Variants in GRK4 observed in about 807,000 individuals in gnomAD.
GRK4 encodes the protein G protein-coupled receptor kinase 2-like.
Under a neutral mutation model 77.9 loss-of-function variants are expected in GRK4, and 73 were observed. The ratio of observed to expected loss-of-function variants is 0.94; its 90% confidence interval spans 0.78 to 1.14. GRK4 has a LOEUF of 1.14. Among genes scored for constraint, GRK4 ranks in the 50% most tolerant of loss-of-function variants. The pLI is 0.00. For missense variants in GRK4, 729 were observed against 700.2 expected (o/e 1.04, Z -0.46); for synonymous variants, 257 against 254.4 (o/e 1.01, Z -0.10).
At chr4:2,993,895 T>C (rs1274186300) in intron 4 of GRK4, among the ~76,000 whole-genome samples, 1 of 152,168 alleles carries the variant, frequency 6.6e-6, no homozygotes, top group Non-Finnish European at 1.5e-5. Flanking sequence ...AATAGTGTGG[T>C]GAGAATGAGT....
intron 12 of GRK4, among the ~76,000 whole-genome samples, chr4:3,032,550 A>T: frequency 6.6e-6 from 1 of 152,202 alleles, no homozygotes; most frequent in East Asian, 1.9e-4. Context: ...AGGGGCTTTC[A>T]AGATGAAATC....
intron 1 of GRK4, among the ~76,000 whole-genome samples, chr4:2,977,356 G>A (rs1443901259): frequency 6.6e-6 from 1 of 152,156 alleles, no homozygotes; most frequent in East Asian, 1.9e-4. Flanking sequence ...AGACAACACT[G>A]AACTAAATGT....
At chr4:3,005,543 C>T (rs536596507) in intron 5 of GRK4, among the ~76,000 whole-genome samples, 3 of 152,180 alleles carry the variant, frequency 2.0e-5, no homozygotes, top group Admixed American at 6.6e-5. Flanking sequence ...TGGCTCACGC[C>T]GGTAATCCCA....
chr4:3,013,881 T>G, intron 8 of GRK4, 53 bp downstream of exon 8: 2 of 1,530,050 alleles, frequency 1.3e-6, no homozygotes, highest in Admixed American at 2.1e-5. Flanking sequence ...ATAGCACTTT[T>G]GTCAGCCGAC....
chr4:3,004,696 T>C (rs1051921407), intron 5 of GRK4, among the ~76,000 whole-genome samples: 2 of 152,092 alleles, frequency 1.3e-5, no homozygotes, highest in African/African-American at 4.8e-5. Flanking sequence ...AAAATATAAT[T>C]CCTATTCATA....
intron 1 of GRK4, chr4:2,965,700 C>A (rs993210848): frequency 3.9e-6 from 2 of 509,526 alleles, no homozygotes; most frequent in African/African-American, 1.9e-5. Context: ...ACAAAGACTT[C>A]ATCTTCTCAG....
At chr4:2,977,076 C>T (rs531496629) in intron 1 of GRK4, among the ~76,000 whole-genome samples, 2 of 152,274 alleles carry the variant, frequency 1.3e-5, no homozygotes, top group South Asian at 4.1e-4. Context: ...TCTTTCAAAG[C>T]CTTTTCCAGT....
At chr4:3,029,814 C>T (rs902393998) in intron 12 of GRK4, among the ~76,000 whole-genome samples, 4 of 152,218 alleles carry the variant, frequency 2.6e-5, no homozygotes, top group Non-Finnish European at 5.9e-5. Context: ...GTCTACCTGC[C>T]TCCTTCCCCA....
intron 4 of GRK4, among the ~76,000 whole-genome samples, chr4:2,997,330 C>A (rs1439114781): frequency 1.3e-5 from 2 of 152,168 alleles, no homozygotes; most frequent in Non-Finnish European, 2.9e-5. Flanking sequence ...TTAAAAACCA[C>A]ATGATTATCT....
intron 4 of GRK4, among the ~76,000 whole-genome samples, chr4:2,993,707 C>G (rs1230374001): frequency 6.6e-6 from 1 of 152,030 alleles, no homozygotes; most frequent in Non-Finnish European, 1.5e-5. Flanking sequence ...AAAAAAATCA[C>G]TGCTCTAACA....
In GRK4 at chr4:2,969,519, G is replaced by GGCAT. The variant is rs532523926; in HGVS notation, c.52+5401_52+5404dup. On this transcript the variant is annotated intron_variant, in intron 1 of 15. Coordinates refer to ENST00000398052, the MANE Select transcript of GRK4 (RefSeq NM_182982.3). ...AGCCTCCCAAGTAGCTGGGATTACA[G>GGCAT]GCATGCACTACCACGCCCGGCTAAT... 3.9e-5 allele frequency among the ~76,000 whole-genome samples: 6 copies of GGCAT among 152,060 alleles called. No homozygotes were observed. The South Asian group carries it at 1.0e-3, about 26-fold the overall frequency.
intron 9 of GRK4, 99 bp from the exon 10 acceptor site, chr4:3,022,315 C>A: frequency 8.9e-7 from 1 of 1,121,472 alleles, no homozygotes; most frequent in Non-Finnish European, 1.3e-6. Context: ...CGTGTTTTGC[C>A]GCGCTAGCCC....
chr4:2,986,514 C>A (rs1240878501), intron 2 of GRK4, among the ~76,000 whole-genome samples: 5 of 151,634 alleles, frequency 3.3e-5, no homozygotes, highest in African/African-American at 1.2e-4. Context: ...CACCACCACG[C>A]CCGGCTAATT....
intron 12 of GRK4, 81 bp from the exon 13 acceptor site, chr4:3,035,305 T>G: frequency 1.1e-5 from 15 of 1,394,836 alleles, no homozygotes; most frequent in East Asian, 2.3e-5. Context: ...CCCGAGTCCT[T>G]TGGTTATTAT....
chr4:3,035,831 C>A (rs187459005), intron 13 of GRK4, among the ~76,000 whole-genome samples: 2 of 152,192 alleles, frequency 1.3e-5, no homozygotes, highest in East Asian at 3.9e-4. Flanking sequence ...CCTGGTTCTT[C>A]TTCCCTCCCC....
intron 3 of GRK4, among the ~76,000 whole-genome samples, chr4:2,991,996 C>T (rs1411867015): frequency 7.8e-6 from 1 of 128,332 alleles, no homozygotes; most frequent in Non-Finnish European, 1.7e-5. Context: ...GGATATCAAA[C>T]CAAATAATTT....
Position 3,040,443 on chromosome 4 carries a change from A to AAAAT in GRK4, c.1684-113_1684-110dup, listed in dbSNP as rs1328354902. 1.5e-5 allele frequency: 10 copies of AAAAT among 656,048 alleles called. 1 individual carries two copies. The highest frequency in any genetic ancestry group is 5.7e-5 in the East Asian group (2 of 35,014). 40.6% of individuals were successfully genotyped at this position (656,048 alleles called of 1,614,324 possible). A position where few individuals can be genotyped will look rare whatever the true frequency, so the allele number is the denominator to read the frequency against. Reference sequence around the variant, plus strand: ...GCGACAGAGTGAGACTATGTCTCAAAAAATAAATAAATAAATAAAAAATAA... The same window carrying AAAAT: ...GCGACAGAGTGAGACTATGTCTCAAAAAATAAATAAATAAATAAATAAAAAATAA... On this transcript the variant is annotated intron_variant, in intron 15 of 15. Transcript: ENST00000398052.
Position 3,030,907 on chromosome 4 carries a change from G to A in GRK4, c.1269+1498G>A, listed in dbSNP as rs114137675. ...GATGAGACTGGGCTTGCCGGCCACT[G>A]GGAGAGAATGAATGGACAGGGAGGA... On this transcript the variant is annotated intron_variant, in intron 12 of 15. Transcript: ENST00000398052. Among the ~76,000 whole-genome samples the A allele has an allele frequency of 9.6e-3, 1,459 of 152,296 alleles. 22 individuals carry two copies. The highest frequency in any genetic ancestry group is 0.033 in the African/African-American group (1,388 of 41,552).
chr4:3,014,296 C>CTCTCTTTTT (rs757312217), intron 8 of GRK4, among the ~76,000 whole-genome samples: 2 of 119,000 alleles, frequency 1.7e-5, no homozygotes, highest in African/African-American at 6.9e-5. Context: ...CTCTCTCTCT[C>CTCTCTTTTT]TTTTTTTTTT....
Sources: gnomAD v4.1 joint callset for allele counts (sites outside exome capture counted in the v4.1 genomes callset) on GRCh38, gnomAD v4.1.1 for gene constraint, MANE v1.5 for transcripts, NCBI Gene and HGNC (gene_info 2026-07-23, HGNC 2026-07-21) for gene names.